SLC25A23: variants seen among roughly 807,000 people sequenced by gnomAD.
SLC25A23 encodes solute carrier family 25 member 23, also known as mitochondrial adenyl nucleotide antiporter SLC25A23.
A neutral mutation model predicts 53.9 loss-of-function variants in SLC25A23; 32 were observed. That is an observed-to-expected ratio of 0.59 (90% confidence interval 0.45 to 0.80). SLC25A23 has a LOEUF of 0.80. Ranked by LOEUF, SLC25A23 falls within the 30% of genes least tolerant of loss-of-function variation. SLC25A23 has a pLI of 0.00. For synonymous variants in SLC25A23, 275 were observed against 264.5 expected (o/e 1.04, Z -0.38); for missense variants, 575 against 651.4 (o/e 0.88, Z 1.28).
At position 6,444,098 on chromosome 19, in the gene SLC25A23, T is replaced by C. The variant is rs945184368; in HGVS notation, c.1222+53A>G. ...GCCCAGGGCTCTACTTGGGAGAAGC[T>C]GGGGCCCAAGCGATGAGACTCCCCC... On this transcript the variant is annotated intron_variant, in intron 9 of 9. Coordinates refer to ENST00000301454, the MANE Select transcript of SLC25A23 (RefSeq NM_024103.3). 7 of 1,470,018 alleles carry C rather than the reference T, an allele frequency of 4.8e-6. No homozygotes were observed. In the African/African-American group the frequency reaches 9.8e-5, roughly 21 times the overall value. The allele number at this position is 1,470,018 out of a possible 1,614,324, so 91.1% of individuals were successfully genotyped here.
intron 7 of SLC25A23, among the ~76,000 whole-genome samples, chr19:6,453,498 C>A (rs1230881079): frequency 6.6e-6 from 1 of 152,140 alleles, no homozygotes; most frequent in Non-Finnish European, 1.5e-5. Flanking sequence ...CCTCGGCCTC[C>A]CAAAGTGCTG....
intron 4 of SLC25A23, chr19:6,456,126 C>A: frequency 7.1e-7 from 1 of 1,415,048 alleles, no homozygotes; most frequent in Non-Finnish European, 9.3e-7. Context: ...CCTTGTACCC[C>A]ATCTGGTGAG....
chr19:6,439,854 A>G (rs2144740002), downstream of SLC25A23, among the ~76,000 whole-genome samples: 1 of 152,142 alleles, frequency 6.6e-6, no homozygotes, highest in East Asian at 1.9e-4. Context: ...AAATAAAAAT[A>G]ATAAAGCCCA....
In SLC25A23 at chr19:6,457,535, G is replaced by A. The variant is rs1239159541; in HGVS notation, c.339C>T (p.Ile113=). ...QQSFRALGIS[I]SLEQAEKILH... is the part of the protein sequence containing the mutation. The stretch of plus-strand genomic sequence containing the variant: ...AAATTTTCTCAGCCTGCTCCAGCGA[G>A]ATGGAAATGCCCAGAGCTCGGAAAC... Residue 113 remains isoleucine (I), a synonymous_variant, in exon 3 of 10, where the codon ATC becomes ATT. Coordinates refer to ENST00000301454, the MANE Select transcript of SLC25A23 (RefSeq NM_024103.3). The A allele has an allele frequency of 6.2e-7, 1 of 1,614,078 alleles. No homozygotes were observed. Among genetic ancestry groups the A allele is most frequent in the Non-Finnish European group, 8.5e-7 (1 of 1,180,020 alleles).
chr19:6,451,023 G>C (rs891856401), intron 8 of SLC25A23, among the ~76,000 whole-genome samples: 48 of 147,782 alleles, frequency 3.2e-4, no homozygotes, highest in Admixed American at 3.0e-3. Flanking sequence ...GGCTGCAGTG[G>C]GCCGAGATCG....
Position 6,443,617 on chromosome 19 carries a change from A to C in SLC25A23, c.1222+534T>G, listed in dbSNP as rs1269338318. 7.1e-6 allele frequency: 5 copies of C among 702,678 alleles called. No individual in the cohort carries two copies. The East Asian group carries it at 1.3e-4, about 19-fold the overall frequency. 43.5% of individuals were successfully genotyped at this position (702,678 alleles called of 1,614,324 possible). On this transcript the variant is annotated intron_variant, in intron 9 of 9. Coordinates refer to ENST00000301454, the MANE Select transcript of SLC25A23 (RefSeq NM_024103.3). ...CCTTCCTCTCCGGCCTGTGAGCTCT[A>C]TGAGGGTGGGGACCGTGTCCGTCTT...
At chr19:6,447,282 G>C (rs555643068) in intron 8 of SLC25A23, among the ~76,000 whole-genome samples, 42 of 138,856 alleles carry the variant, frequency 3.0e-4, no homozygotes, top group Non-Finnish European at 4.7e-4. Context: ...GTTTTGGAAG[G>C]ATCTCAAACT....
chr19:6,443,457 G>T, intron 9 of SLC25A23: 1 of 579,830 alleles, frequency 1.7e-6, no homozygotes, highest in Non-Finnish European at 3.1e-6. Flanking sequence ...CAAACTCCTG[G>T]ACTCAAATGA....
Position 6,442,308 on chromosome 19 carries a change from T to G in SLC25A23, c.1223-149A>C. 6.6e-6 allele frequency: 4 copies of G among 607,090 alleles called. No individual in the cohort carries two copies. The South Asian group carries it at 8.1e-5, about 12-fold the overall frequency. 37.6% of individuals were successfully genotyped at this position (607,090 alleles called of 1,614,324 possible). A position where few individuals can be genotyped will look rare whatever the true frequency, so the allele number is the denominator to read the frequency against. On this transcript the variant is annotated intron_variant, in intron 9 of 9. Transcript: ENST00000301454. Reference sequence around the variant, plus strand: ...GGGACCTACCACTCAGAGTCGAGACTTGTATTGACCTTGGAACTGGCTGCT... The same window carrying G: ...GGGACCTACCACTCAGAGTCGAGACGTGTATTGACCTTGGAACTGGCTGCT...
Position 6,454,053 on chromosome 19 carries a change from C to A in SLC25A23, c.831G>T (p.Leu277=), listed in dbSNP as rs377119869. 3.9e-5 allele frequency: 63 copies of A among 1,613,490 alleles called. 2 individuals are homozygous for A. Among genetic ancestry groups the A allele is most frequent in the Non-Finnish European group, 4.9e-5 (58 of 1,179,966 alleles). Residue 277 remains leucine (L), a synonymous_variant, in exon 7 of 10, where the codon CTG becomes CTT. Coordinates refer to ENST00000301454, the MANE Select transcript of SLC25A23 (RefSeq NM_024103.3). This position sits in a 1 kb window ranked among gnomAD's most constrained non-coding sequence, Gnocchi z 4.3. The stretch of plus-strand genomic sequence containing the variant: ...CAGCCACGAAGCGCTCCTGCACATG[C>A]AGTGTCTCCTGCTGCCCCAGGATGG... ...KRAILGQQET[L]HVQERFVAGS... is the part of the protein sequence containing the mutation.
chr19:6,449,935 C>G (rs1474547920), intron 8 of SLC25A23, among the ~76,000 whole-genome samples: 1 of 150,574 alleles, frequency 6.6e-6, no homozygotes, highest in African/African-American at 2.5e-5. Context: ...TCACTGCAAC[C>G]CCCATGCCCC....
intron 7 of SLC25A23, 30 bp from the exon 8 acceptor site, chr19:6,452,509 G>A: frequency 3.8e-6 from 6 of 1,580,212 alleles, no homozygotes; most frequent in Non-Finnish European, 5.2e-6. Flanking sequence ...CCCTGGAAAA[G>A]CTGTCCCACC....
At chr19:6,436,541 G>A (rs77227806), downstream of SLC25A23, 21 of 415,704 alleles carry the variant, frequency 5.1e-5, 1 homozygote, top group South Asian at 3.3e-4. Flanking sequence ...GGATGGCAGC[G>A]ACAGTGTCTT....
intron 8 of SLC25A23, among the ~76,000 whole-genome samples, chr19:6,450,018 C>T (rs1372805214): frequency 2.0e-5 from 3 of 151,514 alleles, no homozygotes; most frequent in Non-Finnish European, 2.9e-5. Flanking sequence ...CCACCACGCT[C>T]GGCTAATTTT....
intron 4 of SLC25A23, among the ~76,000 whole-genome samples, chr19:6,455,787 G>A (rs1216551630): frequency 4.2e-5 from 6 of 144,482 alleles, no homozygotes; most frequent in Non-Finnish European, 7.4e-5. Context: ...GCACGATCTC[G>A]GCTCACTGCA....
rs748355158 is a variant in SLC25A23 at position 6,454,648 on chromosome 19, A to G, written c.553T>C (p.Trp185Arg). 1 of 1,614,094 alleles carries G rather than the reference A, an allele frequency of 6.2e-7. No homozygotes were observed. The highest frequency in any genetic ancestry group is 8.5e-7 in the Non-Finnish European group (1 of 1,180,018). The change falls in exon 5 of 10, where the codon TGG (tryptophan) becomes CGG (arginine). Residue 185 changes from tryptophan to arginine, a missense_variant. Transcript: ENST00000301454. The surrounding 1 kb of genome is among the most constrained non-coding windows in gnomAD (Gnocchi z 4.3). ...FSKQEKLTGM[W>R]WKQLVAGAVA... is the part of the protein sequence containing the mutation. The stretch of plus-strand genomic sequence containing the variant: ...GCGCCGGCCACCAGCTGTTTCCACC[A>G]CATGCCCGTCAGCTTCTCTTGCTTT...
rs780559038 is a variant in SLC25A23 at position 6,441,954 on chromosome 19, G to C, written c.*21C>G. ...CTGAGGTGTGGGGGGTGAGGGATTG[G>C]GGGGACGGGCTCCGGGTCCCTCACC... On this transcript the variant is annotated 3_prime_UTR_variant, in exon 10 of 10. Transcript: ENST00000301454. The C allele has an allele frequency of 6.2e-7, 1 of 1,611,720 alleles. No homozygotes were observed. The highest frequency in any genetic ancestry group is 1.7e-5 in the Admixed American group (1 of 59,908).
chr19:6,447,328 G>T (rs978639667), intron 8 of SLC25A23, among the ~76,000 whole-genome samples: 2 of 152,040 alleles, frequency 1.3e-5, no homozygotes, highest in Non-Finnish European at 2.9e-5. Context: ...TTGAGACAGG[G>T]TCTCGCTCTC....
chr19:6,456,369 C>G, intron 4 of SLC25A23, 51 bp downstream of exon 4: 3 of 1,568,970 alleles, frequency 1.9e-6, no homozygotes, highest in South Asian at 1.1e-5. Flanking sequence ...GCAAGGCCCC[C>G]CTGGGGAAGA....
Sources: gnomAD v4.1 joint callset for allele counts (sites outside exome capture counted in the v4.1 genomes callset) on GRCh38, gnomAD v4.1.1 for gene constraint, Gnocchi (gnomAD v3.1) non-coding constraint, MANE v1.5 for transcripts, NCBI Gene and HGNC (gene_info 2026-07-23, HGNC 2026-07-21) for gene names.